The following SDK1 variants were observed in gnomAD, a reference collection of about 807,000 sequenced individuals.
SDK1 encodes the protein protein sidekick-1.
SDK1 carries 157 observed loss-of-function variants against 245.5 expected under a neutral mutation model. The ratio of observed to expected loss-of-function variants is 0.64; its 90% CI spans 0.56 to 0.73. SDK1 has a LOEUF of 0.73. SDK1 is among the 30% of genes least tolerant of loss of function. The probability of loss-of-function intolerance (pLI) is 0.00; values close to 1 mark genes in which losing one functional copy is unlikely to be tolerated. For missense variants in SDK1, 3,583 were observed against 3,002.3 expected (o/e 1.19, Z -4.52); for synonymous variants, 1,647 against 1,278.5 (o/e 1.29, Z -6.15).
At chr7:3,540,981 A>G (rs989671810) in intron 1 of SDK1, among the ~76,000 whole-genome samples, 1 of 152,158 alleles carries the variant, frequency 6.6e-6, no homozygotes, top group Non-Finnish European at 1.5e-5. Context: ...ATTTTACTGG[A>G]GGAAAGCCCA....
rs1780652960 is a variant in SDK1 at position 3,455,989 on chromosome 7, G to T, written c.298+154105G>T. On this transcript the variant is annotated intron_variant, in intron 1 of 44. Coordinates refer to ENST00000404826, the MANE Select transcript of SDK1 (RefSeq NM_152744.4). ...CTTATTTGTTGTTCATTCCTCAAGGGTGATTTCACTGATGTAGAATTCATG... is the reference window on the plus strand; with the variant it reads ...CTTATTTGTTGTTCATTCCTCAAGGTTGATTTCACTGATGTAGAATTCATG... Among the ~76,000 whole-genome samples the T allele has an allele frequency of 3.3e-5, 5 of 152,106 alleles. 1 individual carries two copies. Among genetic ancestry groups the T allele is most frequent in the Non-Finnish European group, 7.4e-5 (5 of 68,004 alleles).
intron 1 of SDK1, among the ~76,000 whole-genome samples, chr7:3,359,014 A>C (rs1368171846): frequency 6.6e-6 from 1 of 152,154 alleles, no homozygotes; most frequent in African/African-American, 2.4e-5. Context: ...TCCGGGAGTT[A>C]TGCTGGTTTC....
At chr7:3,585,043 T>C (rs1026314675) in intron 1 of SDK1, among the ~76,000 whole-genome samples, 1 of 152,116 alleles carries the variant, frequency 6.6e-6, no homozygotes, top group Non-Finnish European at 1.5e-5. Context: ...TTTTGAGTGA[T>C]CCACTGCCTC....
intron 44 of SDK1, among the ~76,000 whole-genome samples, chr7:4,248,665 A>C (rs1449524324): frequency 6.7e-6 from 1 of 149,780 alleles, no homozygotes; most frequent in Non-Finnish European, 1.5e-5. Context: ...TGTACAAATA[A>C]CTACACACCT....
At chr7:3,385,260 A>G (rs1781582195) in intron 1 of SDK1, among the ~76,000 whole-genome samples, 1 of 152,182 alleles carries the variant, frequency 6.6e-6, no homozygotes, top group Non-Finnish European at 1.5e-5. Context: ...AGAAGACATC[A>G]AAAACTTATT....
intron 1 of SDK1, among the ~76,000 whole-genome samples, chr7:3,594,097 T>A (rs1267116712): frequency 6.6e-6 from 1 of 152,204 alleles, no homozygotes; most frequent in African/African-American, 2.4e-5. Context: ...GGAGTCACTC[T>A]CTATCTCCTC....
chr7:3,910,691 C>G (rs563411291), intron 5 of SDK1, among the ~76,000 whole-genome samples: 58 of 152,282 alleles, frequency 3.8e-4, no homozygotes, highest in Non-Finnish European at 2.9e-5. Flanking sequence ...TTCCCAGTTG[C>G]ATGATACATA....
chr7:3,598,938 A>G (rs1781160805), intron 1 of SDK1, among the ~76,000 whole-genome samples: 1 of 152,140 alleles, frequency 6.6e-6, no homozygotes, highest in African/African-American at 2.4e-5. Flanking sequence ...CTGTGTGAAC[A>G]TATGTCTTCA....
At chr7:3,784,152 C>G (rs537678276) in intron 4 of SDK1, among the ~76,000 whole-genome samples, 3 of 151,398 alleles carry the variant, frequency 2.0e-5, no homozygotes, top group Admixed American at 2.0e-4. Context: ...AACTCCTGGC[C>G]TGAAATGACT....
At chr7:3,588,343 C>T (rs1347313779) in intron 1 of SDK1, among the ~76,000 whole-genome samples, 1 of 152,192 alleles carries the variant, frequency 6.6e-6, no homozygotes, top group African/African-American at 2.4e-5. Flanking sequence ...TTGTTTACAA[C>T]AGTCTTTTAG....
At chr7:3,678,813 G>A (rs190496471) in intron 4 of SDK1, among the ~76,000 whole-genome samples, 2 of 152,282 alleles carry the variant, frequency 1.3e-5, no homozygotes, top group African/African-American at 2.4e-5. Context: ...TTTTTAAAAA[G>A]CAATTCAGGG....
intron 1 of SDK1, among the ~76,000 whole-genome samples, chr7:3,568,323 A>G (rs1314364481): frequency 6.6e-6 from 1 of 152,190 alleles, no homozygotes; most frequent in Non-Finnish European, 1.5e-5. Context: ...GCCTCCCTCC[A>G]GATGAAAATA....
At chr7:3,508,799 C>T (rs75707659) in intron 1 of SDK1, among the ~76,000 whole-genome samples, 144 of 152,202 alleles carry the variant, frequency 9.5e-4, no homozygotes, top group African/African-American at 3.1e-3. Flanking sequence ...CCTCACTAGG[C>T]GTGAAATTCT....
At chr7:3,754,611 C>T (rs1331083220) in intron 4 of SDK1, among the ~76,000 whole-genome samples, 4 of 151,466 alleles carry the variant, frequency 2.6e-5, no homozygotes, top group Non-Finnish European at 5.9e-5. Context: ...CCATCTCTTC[C>T]TGTCCCAGGG....
intron 4 of SDK1, among the ~76,000 whole-genome samples, chr7:3,812,323 T>C (rs1425680091): frequency 6.6e-6 from 1 of 152,356 alleles, no homozygotes; most frequent in East Asian, 1.9e-4. Flanking sequence ...TGTTTGGCTC[T>C]GTGATTAAAT....
intron 1 of SDK1, among the ~76,000 whole-genome samples, chr7:3,580,856 T>C (rs1326948554): frequency 1.3e-5 from 2 of 150,064 alleles, no homozygotes; most frequent in Non-Finnish European, 3.0e-5. Flanking sequence ...TAGTCCCAGC[T>C]ACTCGGGAGG....
intron 13 of SDK1, among the ~76,000 whole-genome samples, chr7:3,980,651 A>G (rs190727305): frequency 3.0e-4 from 45 of 152,350 alleles, no homozygotes; most frequent in African/African-American, 8.7e-4. Flanking sequence ...CTTATCATTT[A>G]AAGAAATAGT....
intron 2 of SDK1, among the ~76,000 whole-genome samples, chr7:3,633,466 A>G (rs894127739): frequency 1.4e-4 from 21 of 152,170 alleles, no homozygotes; most frequent in Non-Finnish European, 1.5e-5. Context: ...GTATTTTGTT[A>G]GATGTTTTCT....
chr7:4,176,539 T>C (rs1782224231), intron 34 of SDK1, among the ~76,000 whole-genome samples: 1 of 152,188 alleles, frequency 6.6e-6, no homozygotes, highest in Non-Finnish European at 1.5e-5. Context: ...AGGTGTACAG[T>C]TCAGTGGCAT....
Sources: allele counts gnomAD v4.1 joint callset (sites outside exome capture counted in the v4.1 genomes callset), GRCh38; gene constraint gnomAD v4.1.1; transcripts MANE v1.5; gene names NCBI Gene and HGNC (gene_info 2026-07-23, HGNC 2026-07-21).